MYO5B: variants seen among roughly 807,000 people sequenced by gnomAD.
MYO5B encodes the protein unconventional myosin-Vb.
A neutral mutation model predicts 229.3 loss-of-function variants in MYO5B; 143 were observed. The ratio of observed to expected loss-of-function variants is 0.62; its 90% CI spans 0.54 to 0.72. MYO5B has a LOEUF of 0.72. Ranked by LOEUF, MYO5B falls within the 30% of genes least tolerant of loss-of-function variation. MYO5B has a pLI of 0.00. For synonymous variants in MYO5B, 918 were observed against 885.2 expected (o/e 1.04, Z -0.66); for missense variants, 2,321 against 2,331.0 (o/e 1.00, Z 0.09).
At chr18:50,113,364 G>A (rs560953302) in intron 1 of MYO5B, among the ~76,000 whole-genome samples, 4 of 152,160 alleles carry the variant, frequency 2.6e-5, no homozygotes, top group Non-Finnish European at 5.9e-5. Context: ...TGATGCTGTC[G>A]TGATCATTTT....
chr18:49,834,509 G>GCCAT (rs2023962219), intron 39 of MYO5B, among the ~76,000 whole-genome samples: 1 of 152,206 alleles, frequency 6.6e-6, no homozygotes, highest in Non-Finnish European at 1.5e-5. Context: ...CAGGCGCTCA[G>GCCAT]CCATCACCTT....
At chr18:50,073,722 G>T (rs1364773128) in intron 1 of MYO5B, among the ~76,000 whole-genome samples, 1 of 152,026 alleles carries the variant, frequency 6.6e-6, no homozygotes, top group Admixed American at 6.6e-5. Context: ...CCAAAATTGA[G>T]CCCCTGAATC....
intron 4 of MYO5B, among the ~76,000 whole-genome samples, chr18:50,007,145 C>T (rs957181710): frequency 1.3e-5 from 2 of 152,152 alleles, no homozygotes; most frequent in Admixed American, 6.5e-5. Context: ...AATGAGGGCT[C>T]GCTGTTGGCA....
At chr18:49,954,567 G>A in intron 12 of MYO5B, 132 bp from the exon 13 acceptor site, 3 of 1,178,100 alleles carry the variant, frequency 2.5e-6, no homozygotes, top group Admixed American at 1.8e-5. Flanking sequence ...GACCTTAACT[G>A]GACGGTGCAA....
At chr18:50,103,928 T>G (rs1288420798) in intron 1 of MYO5B, among the ~76,000 whole-genome samples, 1 of 150,626 alleles carries the variant, frequency 6.6e-6, no homozygotes, top group African/African-American at 2.4e-5. Flanking sequence ...TTATGTTAAA[T>G]GTAACATAAG....
chr18:50,178,021 G>C (rs2033021147), intron 1 of MYO5B, among the ~76,000 whole-genome samples: 1 of 152,168 alleles, frequency 6.6e-6, no homozygotes, highest in Non-Finnish European at 1.5e-5. Flanking sequence ...ATCCTTAATA[G>C]CAAGGACTAT....
chr18:49,980,224 A>G lies in MYO5B; in HGVS notation c.1056+220T>C, dbSNP rs1419694683. ...CAACCCAACAAAAAGAATTTATCAAATAGCCACTACATTCCCTGTCCTCGG... is the reference window on the plus strand; with the variant it reads ...CAACCCAACAAAAAGAATTTATCAAGTAGCCACTACATTCCCTGTCCTCGG... On this transcript the variant is annotated intron_variant, in intron 9 of 39. Coordinates refer to ENST00000285039, the MANE Select transcript of MYO5B (RefSeq NM_001080467.3). 2.0e-5 allele frequency among the ~76,000 whole-genome samples: 3 copies of G among 152,336 alleles called. No homozygotes were observed. In the East Asian group the frequency reaches 5.8e-4, roughly 29 times the overall value.
At chr18:50,108,819 A>T (rs778794050) in intron 1 of MYO5B, among the ~76,000 whole-genome samples, 5 of 152,218 alleles carry the variant, frequency 3.3e-5, no homozygotes, top group Non-Finnish European at 7.3e-5. Flanking sequence ...ATCTTTCCCC[A>T]GCCAGCTCTG....
At chr18:50,035,512 C>G (rs2026438842) in intron 4 of MYO5B, among the ~76,000 whole-genome samples, 1 of 152,208 alleles carries the variant, frequency 6.6e-6, no homozygotes, top group Non-Finnish European at 1.5e-5. Flanking sequence ...AGGCCTCCCT[C>G]CTCTGTGCCA....
chr18:50,122,634 GGAGAGAGAGAGAGAGAGAGAGA>G (rs778675940), intron 1 of MYO5B, among the ~76,000 whole-genome samples: 4 of 9,260 alleles, frequency 4.3e-4, no homozygotes, highest in Non-Finnish European at 6.4e-4. Context: ...GAAGGGGGGG[GGAGAGAGAGAGAGAGAGAGAGA>G]GAGAGAGAGA....
chr18:49,891,181 T>C (rs985155567), intron 22 of MYO5B, among the ~76,000 whole-genome samples: 2 of 152,192 alleles, frequency 1.3e-5, no homozygotes, highest in African/African-American at 4.8e-5. Context: ...AGCCTACTCA[T>C]GCCCCAAGGC....
At chr18:49,905,620 CTGTT>C (rs1333985689) in intron 19 of MYO5B, among the ~76,000 whole-genome samples, 1 of 152,260 alleles carries the variant, frequency 6.6e-6, no homozygotes, top group African/African-American at 2.4e-5. Flanking sequence ...GTCTAGCTCT[CTGTT>C]TGGCCTCCAA....
At chr18:49,830,573 T>G (rs1359244125) in intron 39 of MYO5B, among the ~76,000 whole-genome samples, 1 of 151,948 alleles carries the variant, frequency 6.6e-6, no homozygotes, top group East Asian at 1.9e-4. Flanking sequence ...ATTGGCCAGG[T>G]GCAATGGCTC....
chr18:49,889,958 C>T (rs1267331981), intron 22 of MYO5B, among the ~76,000 whole-genome samples: 5 of 152,216 alleles, frequency 3.3e-5, no homozygotes, highest in Admixed American at 6.5e-5. Context: ...AGGTCTCTGA[C>T]TTGGCTTTAT....
At chr18:50,136,124 T>C (rs6507965) in intron 1 of MYO5B, among the ~76,000 whole-genome samples, 14,857 of 152,200 alleles carry the variant, frequency 0.098, 853 homozygotes, top group East Asian at 0.19. Context: ...CTCTGTGGCC[T>C]CACATGGCCG....
At chr18:49,901,688 C>A (rs571843876) in intron 21 of MYO5B, among the ~76,000 whole-genome samples, 1 of 152,280 alleles carries the variant, frequency 6.6e-6, no homozygotes, top group African/African-American at 2.4e-5. Flanking sequence ...ATTTCCAAAG[C>A]AAACACTCTT....
chr18:50,087,427 T>C (rs900618382), intron 1 of MYO5B, among the ~76,000 whole-genome samples: 9 of 151,656 alleles, frequency 5.9e-5, no homozygotes, highest in African/African-American at 2.2e-4. Context: ...AAACAAGTTT[T>C]CCAGGTGTGG....
chr18:50,039,306 A>G (rs1278311198), intron 3 of MYO5B, among the ~76,000 whole-genome samples: 3 of 152,156 alleles, frequency 2.0e-5, no homozygotes, highest in Non-Finnish European at 4.4e-5. Flanking sequence ...TGATATAGGA[A>G]AGGAGAAGTT....
At chr18:50,060,989 G>C (rs1168591875) in intron 1 of MYO5B, among the ~76,000 whole-genome samples, 3 of 152,266 alleles carry the variant, frequency 2.0e-5, no homozygotes, top group East Asian at 3.9e-4. Flanking sequence ...TTCATGTGCT[G>C]CAGGCCTCTC....
Sources: gnomAD v4.1 joint callset for allele counts (sites outside exome capture counted in the v4.1 genomes callset) on GRCh38, gnomAD v4.1.1 for gene constraint, MANE v1.5 for transcripts, NCBI Gene and HGNC (gene_info 2026-07-23, HGNC 2026-07-21) for gene names.